The following NPAS3 variants were observed in gnomAD, a reference collection of about 807,000 sequenced individuals.
The protein encoded by NPAS3 is neuronal PAS domain-containing protein 3.
A neutral mutation model predicts 73.1 loss-of-function variants in NPAS3; 14 were observed. The ratio of observed to expected loss-of-function variants is 0.19; its 90% CI spans 0.13 to 0.30. The LOEUF (loss-of-function observed/expected upper bound fraction) is 0.30. Among genes scored for constraint, NPAS3 ranks in the 10% least tolerant of loss-of-function variants. The pLI is 1.00. For synonymous variants in NPAS3, 620 were observed against 541.5 expected (o/e 1.14, Z -2.01); for missense variants, 1,096 against 1,250.0 (o/e 0.88, Z 1.86).
intron 2 of NPAS3, among the ~76,000 whole-genome samples, chr14:33,197,237 CTGTG>C (rs11268151): frequency 1.8e-4 from 25 of 135,298 alleles, no homozygotes; most frequent in East Asian, 7.1e-4. Flanking sequence ...CTCCAGCAGG[CTGTG>C]TGTGTGTGTG....
At chr14:33,517,423 T>C (rs561865815) in intron 4 of NPAS3, among the ~76,000 whole-genome samples, 1 of 152,214 alleles carries the variant, frequency 6.6e-6, no homozygotes, top group Admixed American at 6.5e-5. Context: ...TCATTAGATC[T>C]TTGCAACATC....
chr14:33,418,408 C>CA (rs2048239533), intron 4 of NPAS3, among the ~76,000 whole-genome samples: 1 of 151,882 alleles, frequency 6.6e-6, no homozygotes, highest in Non-Finnish European at 1.5e-5. Context: ...TGGTAGCAGG[C>CA]AGTGTATTAA....
intron 1 of NPAS3, among the ~76,000 whole-genome samples, chr14:33,034,193 A>G (rs1308758244): frequency 6.6e-6 from 1 of 152,020 alleles, no homozygotes; most frequent in African/African-American, 2.4e-5. Context: ...AGATTTGAAA[A>G]TATTATGTAT....
intron 4 of NPAS3, among the ~76,000 whole-genome samples, chr14:33,409,532 C>T (rs780231299): frequency 1.1e-4 from 16 of 152,110 alleles, no homozygotes; most frequent in Non-Finnish European, 2.1e-4. Context: ...TTTTGGGAAG[C>T]ACTAGCTTAA....
At chr14:33,622,525 GAACA>G (rs1203932729) in intron 5 of NPAS3, among the ~76,000 whole-genome samples, 1 of 152,034 alleles carries the variant, frequency 6.6e-6, no homozygotes, top group Non-Finnish European at 1.5e-5. Flanking sequence ...ATAGTAAAAG[GAACA>G]AACACTAAAA....
chr14:33,618,800 A>T (rs747660455), intron 5 of NPAS3, among the ~76,000 whole-genome samples: 1 of 152,228 alleles, frequency 6.6e-6, no homozygotes, highest in Non-Finnish European at 1.5e-5. Flanking sequence ...CAAGGCCTGG[A>T]AATGCAAGCT....
chr14:32,991,318 A>G (rs557172488), intron 1 of NPAS3, among the ~76,000 whole-genome samples: 1 of 152,074 alleles, frequency 6.6e-6, no homozygotes, highest in East Asian at 1.9e-4. Flanking sequence ...ATGTCCCCTA[A>G]GACTACCTTA....
chr14:33,167,355 C>G (rs1409863987), intron 2 of NPAS3, among the ~76,000 whole-genome samples: 1 of 151,996 alleles, frequency 6.6e-6, no homozygotes, highest in Non-Finnish European at 1.5e-5. Context: ...GTATTCAAGC[C>G]AAGTTAAGAA....
At chr14:33,404,770 A>G (rs1594846547) in intron 4 of NPAS3, among the ~76,000 whole-genome samples, 2 of 152,134 alleles carry the variant, frequency 1.3e-5, no homozygotes, top group Non-Finnish European at 2.9e-5. Flanking sequence ...ATGGAGAATG[A>G]CAGATTCTAC....
intron 4 of NPAS3, among the ~76,000 whole-genome samples, chr14:33,530,449 G>C (rs2053990389): frequency 6.6e-6 from 1 of 152,148 alleles, no homozygotes. Flanking sequence ...GATTTCAAGA[G>C]ACGTTTCACT....
At chr14:33,516,465 C>T (rs541730461) in intron 4 of NPAS3, among the ~76,000 whole-genome samples, 18 of 152,264 alleles carry the variant, frequency 1.2e-4, no homozygotes, top group Admixed American at 5.9e-4. Flanking sequence ...ATCGTAGCTA[C>T]GTGATTCTTT....
chr14:33,374,976 A>T (rs1276041438), intron 4 of NPAS3, among the ~76,000 whole-genome samples: 3 of 152,180 alleles, frequency 2.0e-5, no homozygotes, highest in African/African-American at 7.2e-5. Flanking sequence ...TTTCTACTTT[A>T]TTGTTGAGTT....
At chr14:33,056,966 A>AT (rs1009254560) in intron 2 of NPAS3, among the ~76,000 whole-genome samples, 1 of 152,218 alleles carries the variant, frequency 6.6e-6, no homozygotes, top group Non-Finnish European at 1.5e-5. Context: ...GAACAATACC[A>AT]TTTTTTTCCT....
intron 7 of NPAS3, among the ~76,000 whole-genome samples, chr14:33,742,421 T>G (rs1194650707): frequency 6.6e-6 from 1 of 152,236 alleles, no homozygotes; most frequent in Non-Finnish European, 1.5e-5. Context: ...GGTTTCCCAG[T>G]GCAGATAAAA....
chr14:33,006,991 A>G (rs1221695352), intron 1 of NPAS3, among the ~76,000 whole-genome samples: 1 of 152,208 alleles, frequency 6.6e-6, no homozygotes, highest in Non-Finnish European at 1.5e-5. Context: ...TTTATTGTAC[A>G]TGAGCATAGA....
chr14:33,084,332 T>C (rs575058671), intron 2 of NPAS3, among the ~76,000 whole-genome samples: 1 of 152,302 alleles, frequency 6.6e-6, no homozygotes, highest in East Asian at 1.9e-4. Context: ...AAATACAGAA[T>C]GTGGGACTAG....
chr14:33,452,355 C>A (rs1594935248), intron 4 of NPAS3, among the ~76,000 whole-genome samples: 1 of 152,116 alleles, frequency 6.6e-6, no homozygotes, highest in South Asian at 2.1e-4. Context: ...TATTAATGAG[C>A]ATAATAGGAT....
chr14:33,622,321 A>G (rs1395211705), intron 5 of NPAS3, among the ~76,000 whole-genome samples: 2 of 152,164 alleles, frequency 1.3e-5, no homozygotes, highest in Non-Finnish European at 2.9e-5. Flanking sequence ...TAAAAAAAAA[A>G]AGCCATTTTA....
At chr14:33,269,853 C>T (rs561057827) in intron 3 of NPAS3, among the ~76,000 whole-genome samples, 2 of 152,218 alleles carry the variant, frequency 1.3e-5, no homozygotes, top group South Asian at 2.1e-4. Context: ...AACTGAAATA[C>T]TCATTCAACC....
Sources: gnomAD v4.1 joint callset for allele counts (sites outside exome capture counted in the v4.1 genomes callset) on GRCh38, gnomAD v4.1.1 for gene constraint, MANE v1.5 for transcripts, NCBI Gene and HGNC (gene_info 2026-07-23, HGNC 2026-07-21) for gene names.